Variants in AKAP6 observed in about 807,000 individuals in gnomAD.
The protein encoded by AKAP6 is A-kinase anchor protein 6.
In AKAP6, 58 loss-of-function variants were observed where a neutral mutation model predicts 188.5. The observed-to-expected ratio is 0.31, with a 90% CI of 0.25 to 0.38. The LOEUF is 0.38. Ranked by LOEUF, AKAP6 falls within the 10% of genes least tolerant of loss-of-function variation. AKAP6 has a pLI of 1.00. For missense variants in AKAP6, 2,710 were observed against 2,740.0 expected, an observed-to-expected ratio of 0.99 and a Z score of 0.24; for synonymous variants, 989 against 998.6, an observed-to-expected ratio of 0.99 and a Z score of 0.18.
chr14:32,637,180 C>G (rs548913911), intron 7 of AKAP6, among the ~76,000 whole-genome samples: 1 of 152,030 alleles, frequency 6.6e-6, no homozygotes, highest in Non-Finnish European at 1.5e-5. Context: ...GGGCCTAGTA[C>G]GTAGAATACA....
intron 1 of AKAP6, chr14:32,375,952 T>G (rs1408881379): frequency 6.6e-6 from 1 of 152,196 alleles, no homozygotes; most frequent in Non-Finnish European, 1.5e-5. Context: ...TTAAGATTGG[T>G]CAATTTAAAA....
intron 2 of AKAP6, among the ~76,000 whole-genome samples, chr14:32,488,759 G>A (rs1287368709): frequency 6.6e-6 from 1 of 152,122 alleles, no homozygotes. Flanking sequence ...CGTGGCCCTA[G>A]GGGAGGGAGT....
chr14:32,749,279 A>G (rs1463212819), intron 11 of AKAP6, among the ~76,000 whole-genome samples: 4 of 152,056 alleles, frequency 2.6e-5, no homozygotes, highest in African/African-American at 9.7e-5. Flanking sequence ...ACCTTTTTCC[A>G]TTGGTAAATT....
intron 11 of AKAP6, among the ~76,000 whole-genome samples, chr14:32,741,004 G>A (rs188986411): frequency 1.0e-3 from 151 of 146,398 alleles, no homozygotes; most frequent in African/African-American, 3.7e-3. Flanking sequence ...AAAATGGAGT[G>A]TCTTTCCTTT....
chr14:32,605,468 T>A (rs1886093397), intron 7 of AKAP6, among the ~76,000 whole-genome samples: 1 of 152,148 alleles, frequency 6.6e-6, no homozygotes, highest in East Asian at 1.9e-4. Flanking sequence ...CGTAACAATG[T>A]GACAAAAAAT....
At chr14:32,624,664 G>A (rs1886943711) in intron 7 of AKAP6, among the ~76,000 whole-genome samples, 1 of 152,040 alleles carries the variant, frequency 6.6e-6, no homozygotes, top group Non-Finnish European at 1.5e-5. Context: ...TTCTTTCCCT[G>A]TTTCACAATA....
At chr14:32,544,003 A>G (rs1025077058) in intron 3 of AKAP6, among the ~76,000 whole-genome samples, 1 of 152,188 alleles carries the variant, frequency 6.6e-6, no homozygotes, top group Non-Finnish European at 1.5e-5. Flanking sequence ...GTGGAGTAGG[A>G]GATAAAGGCA....
chr14:32,691,630 C>T (rs927828934), intron 8 of AKAP6, among the ~76,000 whole-genome samples: 20 of 152,052 alleles, frequency 1.3e-4, no homozygotes, highest in African/African-American at 4.8e-4. Flanking sequence ...ATGACCTCAG[C>T]TCACTGCAAC....
At chr14:32,445,047 G>A (rs1460928442) in intron 2 of AKAP6, among the ~76,000 whole-genome samples, 2 of 152,186 alleles carry the variant, frequency 1.3e-5, no homozygotes, top group Non-Finnish European at 2.9e-5. Flanking sequence ...TTTAAGTGCA[G>A]TGTTTACTTC....
At chr14:32,622,913 A>G (rs1405453361) in intron 7 of AKAP6, among the ~76,000 whole-genome samples, 3 of 152,198 alleles carry the variant, frequency 2.0e-5, no homozygotes, top group Non-Finnish European at 4.4e-5. Context: ...AACAGGAAGT[A>G]GAACCTGGAG....
chr14:32,485,274 T>C (rs151181922), intron 2 of AKAP6, among the ~76,000 whole-genome samples: 2,622 of 151,244 alleles, frequency 0.017, 25 homozygotes, highest in Middle Eastern at 0.027. Context: ...AATAAACATA[T>C]GTATGCATGT....
At chr14:32,538,516 ACTTTATT>A (rs916576115) in intron 3 of AKAP6, among the ~76,000 whole-genome samples, 5 of 151,934 alleles carry the variant, frequency 3.3e-5, no homozygotes, top group South Asian at 2.1e-4. Context: ...CAATATATGA[ACTTTATT>A]CTTTATTTAA....
At chr14:32,408,768 G>T (rs556404912) in intron 1 of AKAP6, among the ~76,000 whole-genome samples, 1 of 152,080 alleles carries the variant, frequency 6.6e-6, no homozygotes, top group Admixed American at 6.5e-5. Context: ...AATGGTCTTG[G>T]AGTAGGAATG....
rs977179535 is a variant in AKAP6 at position 32,691,579 on chromosome 14, G to A, written c.2880-4411G>A. Among the ~76,000 whole-genome samples the A allele has an allele frequency of 2.0e-5, 3 of 151,258 alleles. No individual in the cohort carries two copies. The South Asian group carries it at 6.2e-4, about 31-fold the overall frequency. On this transcript the variant is annotated intron_variant, in intron 8 of 13. Transcript: ENST00000280979. ...CTGATTTGCCACTGTTTTTTTTTGA[G>A]ACAGAGTCTTGCTGTGTCGCCCAGG... is the stretch of plus-strand genomic sequence containing the variant.
intron 12 of AKAP6, among the ~76,000 whole-genome samples, chr14:32,784,580 TTAAG>T (rs2033347435): frequency 6.6e-6 from 1 of 152,208 alleles, no homozygotes; most frequent in Admixed American, 6.5e-5. Context: ...GTGGCATATC[TTAAG>T]TGTCACTCAC....
intron 6 of AKAP6, 49 bp from the exon 7 acceptor site, chr14:32,600,580 A>C (rs375272771): frequency 3.2e-5 from 49 of 1,529,838 alleles, no homozygotes; most frequent in Admixed American, 3.0e-4. Flanking sequence ...ATAATGAGTA[A>C]AGATTCATTC....
intron 2 of AKAP6, among the ~76,000 whole-genome samples, chr14:32,481,592 G>A (rs1012494838): frequency 6.6e-6 from 1 of 152,108 alleles, no homozygotes; most frequent in Non-Finnish European, 1.5e-5. Context: ...GATCTTATGA[G>A]ACTTATTCAT....
At chr14:32,487,756 G>A (rs547505489) in intron 2 of AKAP6, among the ~76,000 whole-genome samples, 1 of 152,342 alleles carries the variant, frequency 6.6e-6, no homozygotes, top group South Asian at 2.1e-4. Flanking sequence ...TGATGTTGAT[G>A]CTATTGCTTT....
At chr14:32,534,378 A>C (rs1315499651) in intron 2 of AKAP6, among the ~76,000 whole-genome samples, 1 of 152,160 alleles carries the variant, frequency 6.6e-6, no homozygotes, top group African/African-American at 2.4e-5. Context: ...TGGTCTCTTA[A>C]ATTGTCCAAG....
Sources: gnomAD v4.1 joint callset for allele counts (sites outside exome capture counted in the v4.1 genomes callset) on GRCh38, gnomAD v4.1.1 for gene constraint, MANE v1.5 for transcripts, NCBI Gene and HGNC (gene_info 2026-07-23, HGNC 2026-07-21) for gene names.